The following INTS9 variants were observed in gnomAD, a reference collection of about 807,000 sequenced individuals.
The protein encoded by INTS9 is protein related to CPSF subunits of 74 kDa.
INTS9 carries 55 observed loss-of-function variants against 79.7 expected under a neutral mutation model. The observed-to-expected ratio is 0.69, with a 90% CI of 0.56 to 0.86. INTS9 has a LOEUF of 0.86. INTS9 is among the 40% of genes least tolerant of loss of function. The pLI is 0.00. For synonymous variants in INTS9, 319 were observed against 325.2 expected, an observed-to-expected ratio of 0.98 and a Z score of 0.20; for missense variants, 721 against 831.5, an observed-to-expected ratio of 0.87 and a Z score of 1.64.
intron 2 of INTS9, among the ~76,000 whole-genome samples, chr8:28,853,757 T>C (rs1021772734): frequency 2.0e-5 from 3 of 151,952 alleles, no homozygotes; most frequent in Admixed American, 6.6e-5. Flanking sequence ...AGATTGAACA[T>C]TATACGTAAT....
chr8:28,839,023 C>A (rs1031504741), intron 4 of INTS9, among the ~76,000 whole-genome samples: 1 of 152,278 alleles, frequency 6.6e-6, no homozygotes, highest in Non-Finnish European at 1.5e-5. Context: ...ACCTGTCACT[C>A]ACAGGGCCCT....
Position 28,812,532 on chromosome 8 carries a change from A to G in INTS9, c.610-71T>C, listed in dbSNP as rs1243205824. 5 of 1,508,352 alleles carry G rather than the reference A, an allele frequency of 3.3e-6. No individual in the cohort carries two copies. The African/African-American group carries it at 5.6e-5, about 17-fold the overall frequency. 93.4% of individuals were successfully genotyped at this position (1,508,352 alleles called of 1,614,324 possible). A position where few individuals can be genotyped will look rare whatever the true frequency, so the allele number is the denominator to read the frequency against. Reference sequence around the variant, plus strand: ...AGTCACATGAGGTAATTCTGCAGGGAAAAACAACAGAAATATCCTCAGTTT... The same window carrying G: ...AGTCACATGAGGTAATTCTGCAGGGGAAAACAACAGAAATATCCTCAGTTT... On this transcript the variant is annotated intron_variant, in intron 7 of 16. Coordinates refer to ENST00000521022, the MANE Select transcript of INTS9 (RefSeq NM_018250.4).
intron 1 of INTS9, among the ~76,000 whole-genome samples, chr8:28,871,505 A>C (rs1400916118): frequency 6.6e-6 from 1 of 152,068 alleles, no homozygotes; most frequent in Non-Finnish European, 1.5e-5. Flanking sequence ...TCTGGGCTCA[A>C]GCAATCCTCC....
At chr8:28,835,462 G>A in intron 5 of INTS9, 84 bp from the exon 6 acceptor site, 1 of 768,606 alleles carries the variant, frequency 1.3e-6, no homozygotes, top group Non-Finnish European at 2.0e-6. Flanking sequence ...CAGGAGAAAT[G>A]ACTTGCCCAC....
chr8:28,786,865 C>T (rs1463817204), intron 11 of INTS9, among the ~76,000 whole-genome samples: 1 of 152,022 alleles, frequency 6.6e-6, no homozygotes, highest in East Asian at 1.9e-4. Context: ...CTACAGGCAC[C>T]CGCCACCACG....
At chr8:28,812,226 T>G in intron 8 of INTS9, 101 bp downstream of exon 8, 1 of 1,206,992 alleles carries the variant, frequency 8.3e-7, no homozygotes, top group South Asian at 1.4e-5. Context: ...TAGAAAACCA[T>G]ATTTGGAAGA....
intron 1 of INTS9, among the ~76,000 whole-genome samples, chr8:28,879,280 A>G (rs1434160840): frequency 1.3e-5 from 2 of 151,840 alleles, no homozygotes; most frequent in Non-Finnish European, 2.9e-5. Flanking sequence ...AACATTCAAA[A>G]TTCAATTAAA....
intron 1 of INTS9, among the ~76,000 whole-genome samples, chr8:28,864,384 A>G (rs1358058029): frequency 5.3e-5 from 8 of 152,254 alleles, no homozygotes; most frequent in Non-Finnish European, 1.2e-4. Context: ...GGTATATTCA[A>G]GATTATATTT....
At chr8:28,821,609 G>A (rs1805834109) in intron 6 of INTS9, among the ~76,000 whole-genome samples, 1 of 152,180 alleles carries the variant, frequency 6.6e-6, no homozygotes. Context: ...TTGAAACCAT[G>A]CAGTATTTCA....
At chr8:28,780,608 C>A (rs2130893026) in intron 12 of INTS9, 1 of 985,484 alleles carries the variant, frequency 1.0e-6, no homozygotes, top group South Asian at 4.7e-5. Context: ...TCTGAAAACA[C>A]AGGCATGAAG....
At position 28,769,771 on chromosome 8, in the gene INTS9, G is replaced by A. The variant is rs924270800; in HGVS notation, c.1800+118C>T. The A allele has an allele frequency of 6.0e-6, 8 of 1,325,584 alleles. No individual in the cohort carries two copies. The African/African-American group carries it at 1.0e-4, about 17-fold the overall frequency. The allele number at this position is 1,325,584 out of a possible 1,614,324, so 82.1% of individuals were successfully genotyped here. ...ACCTTAGACCAAACAGATGCCACAGGACAGTGGGGACTAAGTGACAAGCAG... is the reference window on the plus strand; with the variant it reads ...ACCTTAGACCAAACAGATGCCACAGAACAGTGGGGACTAAGTGACAAGCAG... On this transcript the variant is annotated intron_variant, in intron 16 of 16. Coordinates refer to ENST00000521022, the MANE Select transcript of INTS9 (RefSeq NM_018250.4).
chr8:28,824,317 C>T (rs999106348), intron 6 of INTS9, among the ~76,000 whole-genome samples: 1 of 152,202 alleles, frequency 6.6e-6, no homozygotes, highest in Non-Finnish European at 1.5e-5. Context: ...TAATGATTCA[C>T]CAATACATTG....
intron 8 of INTS9, among the ~76,000 whole-genome samples, chr8:28,810,674 T>C (rs1805063175): frequency 6.6e-6 from 1 of 152,166 alleles, no homozygotes; most frequent in African/African-American, 2.4e-5. Flanking sequence ...AGTTACCTAA[T>C]GTATCTATAT....
At chr8:28,863,854 A>T (rs1359320223) in intron 1 of INTS9, among the ~76,000 whole-genome samples, 1 of 152,190 alleles carries the variant, frequency 6.6e-6, no homozygotes, top group Admixed American at 6.5e-5. Flanking sequence ...ATTGTATTAG[A>T]CGTTATCTGC....
At chr8:28,860,278 T>A (rs761841946) in intron 1 of INTS9, among the ~76,000 whole-genome samples, 3 of 152,242 alleles carry the variant, frequency 2.0e-5, no homozygotes, top group Admixed American at 2.0e-4. Context: ...CTCCTCAATG[T>A]TGTGGCAGTG....
At chr8:28,871,606 A>G (rs1340176992) in intron 1 of INTS9, among the ~76,000 whole-genome samples, 3 of 151,938 alleles carry the variant, frequency 2.0e-5, no homozygotes, top group South Asian at 4.2e-4. Flanking sequence ...AAGCCTCACT[A>G]TGTTGCCCAG....
At chr8:28,802,471 C>A (rs1236665746) in intron 8 of INTS9, among the ~76,000 whole-genome samples, 3 of 152,202 alleles carry the variant, frequency 2.0e-5, no homozygotes, top group Non-Finnish European at 2.9e-5. Context: ...AACCAGAGAA[C>A]CACGTGTCTT....
chr8:28,851,406 G>A (rs768684870), intron 2 of INTS9, among the ~76,000 whole-genome samples: 11 of 151,822 alleles, frequency 7.2e-5, no homozygotes, highest in Non-Finnish European at 1.3e-4. Flanking sequence ...GAGAATTGGG[G>A]GTGGGGTAAG....
At chr8:28,867,350 C>G (rs1318474899) in intron 1 of INTS9, among the ~76,000 whole-genome samples, 3 of 151,934 alleles carry the variant, frequency 2.0e-5, no homozygotes, top group Admixed American at 6.6e-5. Context: ...ACCCAGGAGG[C>G]GGAGGTTGCA....
Sources: allele counts gnomAD v4.1 joint callset (sites outside exome capture counted in the v4.1 genomes callset), GRCh38; gene constraint gnomAD v4.1.1; transcripts MANE v1.5; gene names NCBI Gene and HGNC (gene_info 2026-07-23, HGNC 2026-07-21).